The following RMC1 variants were observed in gnomAD, a reference collection of about 807,000 sequenced individuals.
RMC1 encodes regulator of MON1-CCZ1, also known as regulator of MON1-CCZ1 complex.
A neutral mutation model predicts 95.5 loss-of-function variants in RMC1; 44 were observed. The observed-to-expected ratio is 0.46, with a 90% CI of 0.36 to 0.59. RMC1 has a LOEUF of 0.59. Among genes scored for constraint, RMC1 ranks in the 20% least tolerant of loss-of-function variants. The pLI, the probability that RMC1 is intolerant of heterozygous loss-of-function variation, is 0.00. For missense variants in RMC1, 705 were observed against 819.6 expected (o/e 0.86, Z 1.71); for synonymous variants, 320 against 303.6 (o/e 1.05, Z -0.56).
intron 5 of RMC1, among the ~76,000 whole-genome samples, chr18:23,510,980 A>G (rs1057057439): frequency 1.3e-5 from 2 of 152,214 alleles, no homozygotes; most frequent in Non-Finnish European, 2.9e-5. Context: ...ACTGGGTGTA[A>G]TATGCAGAGG....
At chr18:23,527,726 C>A in intron 13 of RMC1, 69 bp from the exon 14 acceptor site, 1 of 1,207,220 alleles carries the variant, frequency 8.3e-7, no homozygotes, top group Non-Finnish European at 1.2e-6. Flanking sequence ...TTTATCATAG[C>A]AACGTGTGGA....
chr18:23,503,507 GC>G, upstream of RMC1: 1 of 620,452 alleles, frequency 1.6e-6, no homozygotes, highest in Non-Finnish European at 2.4e-6. Context: ...TCCGCGCCGG[GC>G]CCAGAGCCGC....
In RMC1 at chr18:23,518,951, G is replaced by A; in HGVS notation, c.715G>A (p.Ala239Thr). Residue 239 changes from alanine (A) to threonine (T), a missense_variant, in exon 8 of 20, where the codon GCG (alanine) becomes ACG (threonine). By Grantham distance (58) the Ala-to-Thr change is moderately conservative. Transcript: ENST00000269221. Reference sequence around the variant, plus strand: ...TTCTCGGACCTCCAACAGCACAGGAGCGGAGGTGGTCCTCTATCATCTACC... The same window carrying A: ...TTCTCGGACCTCCAACAGCACAGGAACGGAGGTGGTCCTCTATCATCTACC... ...HHSRTSNSTG[A>T]EVVLYHLPRE... 6.2e-7 allele frequency: 1 copy of A among 1,614,202 alleles called. No individual in the cohort carries two copies.
intron 17 of RMC1, 28 bp downstream of exon 17, chr18:23,530,160 T>C: frequency 6.2e-7 from 1 of 1,613,752 alleles, no homozygotes; most frequent in Non-Finnish European, 8.5e-7. Flanking sequence ...TTTACTTCCA[T>C]TGTGGTTAAA....
At position 23,526,745 on chromosome 18, in the gene RMC1, T is replaced by C; in HGVS notation, c.1169T>C (p.Ile390Thr). The part of the protein sequence containing the change: ...LLQRKECKMV[I>T]LSVCSQMLSE... ...CAGAGAAAGGAATGCAAGATGGTCA[T>C]CCTGTCTGTCTGTTCACAGAGTAAG... is the stretch of plus-strand genomic sequence containing the variant. The change falls in exon 13 of 20, where the codon ATC becomes ACC. Residue 390 changes from isoleucine to threonine, a missense_variant. By Grantham distance (89) the Ile-to-Thr change is moderately conservative. Coordinates refer to ENST00000269221, the MANE Select transcript of RMC1 (RefSeq NM_013326.5). 1 of 1,614,122 alleles carries C rather than the reference T, an allele frequency of 6.2e-7. No homozygotes were observed.
Position 23,515,975 on chromosome 18 carries a change from C to A in RMC1, c.528C>A (p.Val176=), listed in dbSNP as rs2057991655. 6.2e-7 allele frequency: 1 copy of A among 1,614,022 alleles called. No individual in the cohort carries two copies. Among genetic ancestry groups the A allele is most frequent in the South Asian group, 1.1e-5 (1 of 91,076 alleles). Residue 176 remains valine, a synonymous_variant, in exon 6 of 20, where the codon GTC becomes GTA. Coordinates refer to ENST00000269221, the MANE Select transcript of RMC1 (RefSeq NM_013326.5). ...ILLSTTVLEN[V]LQPFHFRAGT... ...TGTCTACCACGGTCCTGGAGAATGT[C>A]CTGCAGCCTTTTCACTTTAGGGTAA...
intron 10 of RMC1, among the ~76,000 whole-genome samples, chr18:23,520,705 G>A (rs989762362): frequency 6.6e-6 from 1 of 151,704 alleles, no homozygotes; most frequent in Non-Finnish European, 1.5e-5. Context: ...GCATGATCTC[G>A]GCTCACTGCA....
At chr18:23,519,784 G>A (rs953347631) in intron 9 of RMC1, among the ~76,000 whole-genome samples, 1 of 152,158 alleles carries the variant, frequency 6.6e-6, no homozygotes, top group African/African-American at 2.4e-5. Context: ...ACAGTGCTGG[G>A]GGATAATGGT....
Position 23,515,880 on chromosome 18 carries a change from A to G in RMC1, c.433A>G (p.Lys145Glu). 1.9e-6 allele frequency: 3 copies of G among 1,614,166 alleles called. No individual in the cohort carries two copies. Among genetic ancestry groups the G allele is most frequent in the Non-Finnish European group, 2.5e-6 (3 of 1,180,042 alleles). Reference protein sequence around the residue: ...YQVLPEKRSLKLLKSHNLNVN... With the variant: ...YQVLPEKRSLELLKSHNLNVN... ...GGTATTACCAGAGAAACGGAGTCTG[A>G]AACTCTTGAAGAGCCACAATCTCAA... Residue 145 changes from lysine (K) to glutamate (E), a missense_variant, in exon 6 of 20, where the codon AAA (lysine) becomes GAA (glutamate). Coordinates refer to ENST00000269221, the MANE Select transcript of RMC1 (RefSeq NM_013326.5).
At chr18:23,509,019 T>C (rs1228115325) in intron 4 of RMC1, among the ~76,000 whole-genome samples, 174 bp from the exon 5 acceptor site, 3 of 152,248 alleles carry the variant, frequency 2.0e-5, no homozygotes, top group South Asian at 2.1e-4. Context: ...TGAAGAGTTA[T>C]GGGCAAAAAT....
chr18:23,512,563 G>GGTGT (rs1379926548), intron 5 of RMC1, among the ~76,000 whole-genome samples: 2 of 151,918 alleles, frequency 1.3e-5, no homozygotes, highest in African/African-American at 4.8e-5. Flanking sequence ...TGGAACTACA[G>GGTGT]GTGTGTGCCA....
chr18:23,518,740 G>A, intron 7 of RMC1, 150 bp from the exon 8 acceptor site: 1 of 639,212 alleles, frequency 1.6e-6, no homozygotes, highest in African/African-American at 1.8e-5. Flanking sequence ...AATAGGCTTT[G>A]AGTAACTGCA....
Position 23,506,954 on chromosome 18 carries a change from ATCTT to A in RMC1, c.180-11_180-8del. On this transcript the variant is annotated splice_polypyrimidine_tract_variant and intron_variant, in intron 2 of 19. Coordinates refer to ENST00000269221, the MANE Select transcript of RMC1 (RefSeq NM_013326.5). ...ATTCGGTTATTTAACTACTAACACA[ATCTT>A]TCTTCTTAAAGAATGGATGACAAAG... 2 of 1,556,318 alleles carry A rather than the reference ATCTT, an allele frequency of 1.3e-6. No individual in the cohort carries two copies. Among genetic ancestry groups the A allele is most frequent in the Non-Finnish European group, 1.8e-6 (2 of 1,133,480 alleles).
intron 5 of RMC1, among the ~76,000 whole-genome samples, chr18:23,511,282 T>C (rs2057851245): frequency 6.6e-6 from 1 of 151,634 alleles, no homozygotes; most frequent in Admixed American, 6.6e-5. Context: ...ATGTAAGTTA[T>C]GAATGCAAAG....
At chr18:23,524,506 G>T in intron 12 of RMC1, 24 bp downstream of exon 12, 1 of 1,611,798 alleles carries the variant, frequency 6.2e-7, no homozygotes, top group Admixed American at 1.7e-5. Context: ...GACAGTTGTC[G>T]TGTTACAACA....
intron 5 of RMC1, among the ~76,000 whole-genome samples, chr18:23,511,036 T>C (rs76150450): frequency 1.3e-5 from 2 of 152,240 alleles, no homozygotes; most frequent in East Asian, 1.9e-4. Context: ...TGAATGTTCA[T>C]TGCAGCACTG....
intron 5 of RMC1, among the ~76,000 whole-genome samples, chr18:23,513,274 C>T (rs2057912035): frequency 6.6e-6 from 1 of 152,176 alleles, no homozygotes; most frequent in African/African-American, 2.4e-5. Context: ...ACCTTTTATA[C>T]TTCATATAAG....
At chr18:23,507,919 C>A in intron 3 of RMC1, 66 bp from the exon 4 acceptor site, 1 of 1,450,344 alleles carries the variant, frequency 6.9e-7, no homozygotes, top group Non-Finnish European at 9.5e-7. Context: ...TTGTAGTATG[C>A]CAACGTAGGT....
rs1266985177 is a variant in RMC1 at position 23,516,078 on chromosome 18, T to G, written c.549+82T>G. ...TAGCATCCTAATGTGTCAGGCACGTTAGGGACAGGTTCCTCTAGCCGTAAC... is the reference window on the plus strand; with the variant it reads ...TAGCATCCTAATGTGTCAGGCACGTGAGGGACAGGTTCCTCTAGCCGTAAC... On this transcript the variant is annotated intron_variant, in intron 6 of 19. Coordinates refer to ENST00000269221, the MANE Select transcript of RMC1 (RefSeq NM_013326.5). The G allele has an allele frequency of 2.5e-6, 4 of 1,588,338 alleles. No homozygotes were observed. The African/African-American group carries it at 4.0e-5, about 16-fold the overall frequency.
Sources: gnomAD v4.1 joint callset for allele counts (sites outside exome capture counted in the v4.1 genomes callset) on GRCh38, gnomAD v4.1.1 for gene constraint, MANE v1.5 for transcripts, NCBI Gene and HGNC (gene_info 2026-07-23, HGNC 2026-07-21) for gene names.